CCDC125: variants seen among roughly 807,000 people sequenced by gnomAD.
The protein encoded by CCDC125 is coiled-coil domain containing 125, also known as coiled-coil domain-containing protein 125.
Under a neutral mutation model 57.4 loss-of-function variants are expected in CCDC125, and 43 were observed. The ratio of observed to expected loss-of-function variants is 0.75; its 90% confidence interval spans 0.59 to 0.97. The LOEUF (loss-of-function observed/expected upper bound fraction) is 0.97, where lower values mean the gene tolerates loss of function less well. Among genes scored for constraint, CCDC125 ranks in the 50% least tolerant of loss-of-function variants. The pLI, the probability that CCDC125 is intolerant of heterozygous loss-of-function variation, is 0.00. For synonymous variants in CCDC125, 187 were observed against 195.2 expected (o/e 0.96, Z 0.35); for missense variants, 563 against 595.7 (o/e 0.95, Z 0.57).
the CCDC125 span, among the ~76,000 whole-genome samples, chr5:69,274,852 G>T: frequency 6.6e-6 from 1 of 152,238 alleles, no homozygotes; most frequent in South Asian, 2.1e-4. Context: ...CTGACCTCAG[G>T]TGATCCATCT....
At chr5:69,275,811 C>CA (rs993473447), downstream of CCDC125, among the ~76,000 whole-genome samples, 1 of 152,088 alleles carries the variant, frequency 6.6e-6, no homozygotes, top group Non-Finnish European at 1.5e-5. Flanking sequence ...CCATTCTCCA[C>CA]AAAAAATAAG....
At chr5:69,279,406 C>T (rs573622797), downstream of CCDC125, among the ~76,000 whole-genome samples, 8 of 152,202 alleles carry the variant, frequency 5.3e-5, no homozygotes, top group Non-Finnish European at 1.0e-4. Context: ...CTGTGTTAGC[C>T]AGGATGGTCT....
In CCDC125 at chr5:69,292,229, T is replaced by C. The variant is rs1353856617; in HGVS notation, c.1058A>G (p.Lys353Arg). Residue 353 changes from lysine (K) to arginine (R), a missense_variant, in exon 10 of 12, where the codon AAA becomes AGA. Coordinates refer to ENST00000396496, the MANE Select transcript of CCDC125 (RefSeq NM_176816.5). Reference sequence around the variant, plus strand: ...CTTCCAATTCATCCATTTTGTTGCTTTTTTATGCATTTTATCCATTTGTGT... The same window carrying C: ...CTTCCAATTCATCCATTTTGTTGCTCTTTTATGCATTTTATCCATTTGTGT... ...QLTQMDKMHKKATKWMNWKHL... is the reference protein window; with the variant it reads ...QLTQMDKMHKRATKWMNWKHL... The C allele has an allele frequency of 6.2e-7, 1 of 1,613,570 alleles. No individual in the cohort carries two copies. Among genetic ancestry groups the C allele is most frequent in the Non-Finnish European group, 8.5e-7 (1 of 1,179,954 alleles).
chr5:69,308,189 T>G, intron 4 of CCDC125, 161 bp from the exon 5 acceptor site: 1 of 612,096 alleles, frequency 1.6e-6, no homozygotes, highest in Non-Finnish European at 2.9e-6. Flanking sequence ...AGTTCAAAAG[T>G]CAGGAGATCT....
chr5:69,304,511 C>T (rs6869305), intron 6 of CCDC125, among the ~76,000 whole-genome samples: 62,964 of 149,754 alleles, frequency 0.42, 13,647 homozygotes, highest in South Asian at 0.46. Flanking sequence ...GTGCAACCTC[C>T]GCCTCCCAGG....
chr5:69,327,262 T>C lies in CCDC125; in HGVS notation c.-41+5387A>G, dbSNP rs529590471. Among the ~76,000 whole-genome samples, 1,256 of 151,972 alleles carry C rather than the reference T, an allele frequency of 8.3e-3. 8 individuals are homozygous for C. Among genetic ancestry groups the C allele is most frequent in the African/African-American group, 0.027 (1,122 of 41,462 alleles). Reference sequence around the variant, plus strand: ...GGTGCCCGCCACCACGCCCGGCTAATTTTTTGTATTTTTAGTAGAGATGGG... The same window carrying C: ...GGTGCCCGCCACCACGCCCGGCTAACTTTTTGTATTTTTAGTAGAGATGGG... On this transcript the variant is annotated intron_variant, in intron 1 of 11. Coordinates refer to ENST00000396496, the MANE Select transcript of CCDC125 (RefSeq NM_176816.5).
chr5:69,287,403 A>G (rs952572586), intron 10 of CCDC125, among the ~76,000 whole-genome samples: 9 of 151,710 alleles, frequency 5.9e-5, no homozygotes, highest in African/African-American at 1.9e-4. Context: ...AGCTGGGATT[A>G]CAGGCTTGTG....
Position 69,314,057 on chromosome 5 carries a change from A to G in CCDC125, c.305-11T>C. 6.3e-7 allele frequency: 1 copy of G among 1,590,674 alleles called. No homozygotes were observed. The highest frequency in any genetic ancestry group is 8.6e-7 in the Non-Finnish European group (1 of 1,158,918). ...CTGAATTCGAATCTACTTGGGAGGGAGGAGAAAAGAATCTATTAGGGGAAA... is the reference window on the plus strand; with the variant it reads ...CTGAATTCGAATCTACTTGGGAGGGGGGAGAAAAGAATCTATTAGGGGAAA... On this transcript the variant is annotated splice_polypyrimidine_tract_variant and intron_variant, in intron 2 of 11. Transcript: ENST00000396496.
chr5:69,278,224 G>T (rs1180454265), downstream of CCDC125, among the ~76,000 whole-genome samples: 1 of 127,660 alleles, frequency 7.8e-6, no homozygotes, highest in Non-Finnish European at 1.7e-5. Flanking sequence ...ATTTTTTTTT[G>T]AGATGGAGTC....
intron 3 of CCDC125, among the ~76,000 whole-genome samples, chr5:69,311,880 T>G (rs13154469): frequency 6.6e-6 from 1 of 151,576 alleles, no homozygotes; most frequent in South Asian, 2.1e-4. Flanking sequence ...ATTGCAGGCA[T>G]GTGCCACTAC....
chr5:69,293,561 A>T (rs1754837359), intron 9 of CCDC125, among the ~76,000 whole-genome samples: 1 of 151,416 alleles, frequency 6.6e-6, no homozygotes, highest in African/African-American at 2.4e-5. Context: ...GAGGCAGAGA[A>T]TCACTTGAAC....
chr5:69,313,972 C>T lies in CCDC125; in HGVS notation c.366+13G>A, dbSNP rs868117353. On this transcript the variant is annotated intron_variant, in intron 3 of 11. Coordinates refer to ENST00000396496, the MANE Select transcript of CCDC125 (RefSeq NM_176816.5). ...GCTAAACTGATAATTTTTATATTAGCCAGAGTACCTACCTCTAAAGTTTCA... is the reference window on the plus strand; with the variant it reads ...GCTAAACTGATAATTTTTATATTAGTCAGAGTACCTACCTCTAAAGTTTCA... 6.3e-7 allele frequency: 1 copy of T among 1,585,682 alleles called. No individual in the cohort carries two copies. Among genetic ancestry groups the T allele is most frequent in the Middle Eastern group, 1.7e-4 (1 of 6,006 alleles).
rs930046572 is a variant in CCDC125 at position 69,294,895 on chromosome 5, C to T, written c.822G>A (p.Ala274=). ...GFAEASGLEL[A]VLGACLCHGP... is the part of the protein sequence containing the mutation. ...CATGACAAAGGCAGGCTCCGAGGAC[C>T]GCAAGCTTTAAATTGAAAAGCATTG... Residue 274 remains alanine (A), a synonymous_variant, in exon 9 of 12, where the codon GCG becomes GCA. Coordinates refer to ENST00000396496, the MANE Select transcript of CCDC125 (RefSeq NM_176816.5). 6.2e-6 allele frequency: 10 copies of T among 1,612,588 alleles called. No homozygotes were observed. Among genetic ancestry groups the T allele is most frequent in the South Asian group, 3.3e-5 (3 of 90,776 alleles).
chr5:69,315,930 TAAAAAA>T (rs34485198), intron 2 of CCDC125, among the ~76,000 whole-genome samples: 4 of 118,094 alleles, frequency 3.4e-5, no homozygotes, highest in Non-Finnish European at 7.1e-5. Context: ...TCAACGGCAG[TAAAAAA>T]AAAAAAAAAA....
At chr5:69,291,746 C>T (rs1754500196) in intron 10 of CCDC125, among the ~76,000 whole-genome samples, 1 of 152,198 alleles carries the variant, frequency 6.6e-6, no homozygotes, top group Non-Finnish European at 1.5e-5. Context: ...ATTTGTCCAA[C>T]TTAAGGTTTT....
At chr5:69,276,786 C>T (rs1447551292), downstream of CCDC125, 1 of 1,016,622 alleles carries the variant, frequency 9.8e-7, no homozygotes, top group East Asian at 2.5e-5. Flanking sequence ...AGAAATGTAG[C>T]TTGCTAGCTA....
intron 10 of CCDC125, among the ~76,000 whole-genome samples, chr5:69,290,443 CAG>C (rs758542596): frequency 6.6e-6 from 1 of 150,740 alleles, no homozygotes; most frequent in Non-Finnish European, 1.5e-5. Context: ...GCTGGGATTA[CAG>C]GTGAGTGCCA....
At chr5:69,295,786 A>T (rs549865085) in intron 8 of CCDC125, among the ~76,000 whole-genome samples, 140 of 152,250 alleles carry the variant, frequency 9.2e-4, no homozygotes, top group African/African-American at 3.2e-3. Flanking sequence ...CCATCAAAAG[A>T]TGTTGAAATT....
At chr5:69,308,246 T>G in intron 4 of CCDC125, 2 of 577,524 alleles carry the variant, frequency 3.5e-6, no homozygotes, top group Non-Finnish European at 6.2e-6. Context: ...GGATGAATTT[T>G]CCACACAAAG....
Sources: allele counts gnomAD v4.1 joint callset (sites outside exome capture counted in the v4.1 genomes callset), GRCh38; gene constraint gnomAD v4.1.1; transcripts MANE v1.5; gene names NCBI Gene and HGNC (gene_info 2026-07-23, HGNC 2026-07-21).